Variants in CTNNA1 observed in about 807,000 individuals in gnomAD.
The protein encoded by CTNNA1 is catenin alpha-1.
CTNNA1 carries 37 observed loss-of-function variants against 98.4 expected under a neutral mutation model. The ratio of observed to expected loss-of-function variants is 0.38; its 90% CI spans 0.29 to 0.49. The LOEUF (loss-of-function observed/expected upper bound fraction) is 0.49. CTNNA1 is among the 20% of genes least tolerant of loss of function. CTNNA1 has a pLI of 0.95. For missense variants in CTNNA1, 761 were observed against 1,147.2 expected (o/e 0.66, Z 4.86); for synonymous variants, 404 against 413.2 (o/e 0.98, Z 0.27).
Position 138,873,123 on chromosome 5 carries a change from C to G in CTNNA1, c.1063-13089C>G, listed in dbSNP as rs369180323. The G allele has an allele frequency of 3.7e-6, 6 of 1,613,836 alleles. No individual in the cohort carries two copies. Among genetic ancestry groups the G allele is most frequent in the Non-Finnish European group, 5.1e-6 (6 of 1,179,888 alleles). On this transcript the variant is annotated intron_variant, in intron 7 of 17. Coordinates refer to ENST00000302763, the MANE Select transcript of CTNNA1 (RefSeq NM_001903.5). This position sits in a 1 kb window ranked among gnomAD's most constrained non-coding sequence, Gnocchi z 6.1. ...TCATATTCATTATACGGTCCTTGGT[C>G]TGACATGTTTGACATATGGAGTCGT...
At chr5:138,856,132 G>A (rs557522118) in intron 7 of CTNNA1, among the ~76,000 whole-genome samples, 1 of 152,232 alleles carries the variant, frequency 6.6e-6, no homozygotes, top group Non-Finnish European at 1.5e-5. Context: ...ATGGCTTGGG[G>A]CTTTTATTAA....
At chr5:138,759,400 TC>T (rs1303588502) in intron 1 of CTNNA1, among the ~76,000 whole-genome samples, 1 of 152,240 alleles carries the variant, frequency 6.6e-6, no homozygotes, top group Non-Finnish European at 1.5e-5. Flanking sequence ...GTAACTTTTT[TC>T]CTTATCTCCC....
intron 7 of CTNNA1, among the ~76,000 whole-genome samples, chr5:138,877,424 A>C (rs1751857461): frequency 1.3e-5 from 2 of 150,532 alleles, no homozygotes; most frequent in African/African-American, 4.9e-5. Context: ...GTCTCATAGG[A>C]GTGGTCTCTT....
At chr5:138,885,783 G>C (rs979761809) in intron 7 of CTNNA1, among the ~76,000 whole-genome samples, 3 of 152,006 alleles carry the variant, frequency 2.0e-5, no homozygotes, top group African/African-American at 7.2e-5. Context: ...TCAGTGCCAG[G>C]TCCCATTTTT....
chr5:138,927,442 C>T (rs561717547), intron 13 of CTNNA1, among the ~76,000 whole-genome samples: 1 of 152,238 alleles, frequency 6.6e-6, no homozygotes, highest in African/African-American at 2.4e-5. Context: ...GGGCCAATGC[C>T]CCTTCCCCAC....
intron 3 of CTNNA1, among the ~76,000 whole-genome samples, chr5:138,805,528 T>C (rs1758000244): frequency 2.0e-5 from 3 of 152,212 alleles, no homozygotes; most frequent in Non-Finnish European, 4.4e-5. Flanking sequence ...CATCTTTTCA[T>C]GTGCTTGTTG....
intron 3 of CTNNA1, among the ~76,000 whole-genome samples, chr5:138,808,670 A>G (rs1052624532): frequency 7.1e-5 from 10 of 140,728 alleles, no homozygotes; most frequent in Admixed American, 6.2e-4. Flanking sequence ...CTGTTGAGAA[A>G]TAGCTAGTCT....
intron 10 of CTNNA1, among the ~76,000 whole-genome samples, chr5:138,906,251 G>A (rs1759233393): frequency 6.6e-6 from 1 of 152,060 alleles, no homozygotes; most frequent in Admixed American, 6.5e-5. Context: ...CCCAGTGTTA[G>A]TCCAGTCCTG....
intron 9 of CTNNA1, among the ~76,000 whole-genome samples, chr5:138,902,539 C>T (rs1581600601): frequency 6.6e-6 from 1 of 152,358 alleles, no homozygotes; most frequent in Middle Eastern, 3.4e-3. Context: ...CCTGCCTCAG[C>T]CTCCCGAGTA....
At chr5:138,828,495 C>A (rs1245222640) in intron 7 of CTNNA1, among the ~76,000 whole-genome samples, 1 of 152,130 alleles carries the variant, frequency 6.6e-6, no homozygotes, top group East Asian at 1.9e-4. Context: ...CTTAGGGTTC[C>A]TGTCATTTAG....
intron 7 of CTNNA1, among the ~76,000 whole-genome samples, chr5:138,844,625 C>T (rs1015843725): frequency 6.6e-6 from 1 of 152,144 alleles, no homozygotes; most frequent in Admixed American, 6.5e-5. Context: ...CTACCATTGT[C>T]TGTCTCTTTC....
intron 9 of CTNNA1, among the ~76,000 whole-genome samples, chr5:138,902,580 C>T (rs1006365449): frequency 2.6e-5 from 4 of 152,170 alleles, no homozygotes; most frequent in African/African-American, 9.7e-5. Context: ...CCACCACGCC[C>T]GGCTAATTTT....
chr5:138,839,125 A>T (rs570438172), intron 7 of CTNNA1, among the ~76,000 whole-genome samples: 1 of 151,880 alleles, frequency 6.6e-6, no homozygotes, highest in South Asian at 2.1e-4. Context: ...CATGATTTCA[A>T]TTTTTTTTAA....
rs1751082096 is a variant in CTNNA1, at chr5:138,874,572, T to C, written c.1063-11640T>C. The C allele has an allele frequency of 2.1e-6, 3 of 1,454,018 alleles. No homozygotes were observed. In the East Asian group the frequency reaches 7.3e-5, roughly 36 times the overall value. The allele number at this position is 1,454,018 out of a possible 1,614,324, so 90.1% of individuals were successfully genotyped here. A position where few individuals can be genotyped will look rare whatever the true frequency, so the allele number is the denominator to read the frequency against. ...AAATGTAAGCCTGCAGAATATAATT[T>C]AAGGAAAACAAGAAGATAGGATATT... On this transcript the variant is annotated intron_variant, in intron 7 of 17. Coordinates refer to ENST00000302763, the MANE Select transcript of CTNNA1 (RefSeq NM_001903.5). The surrounding 1 kb of genome is among the most constrained non-coding windows in gnomAD (Gnocchi z 4.1).
chr5:138,860,308 G>C (rs1319348537), intron 7 of CTNNA1, among the ~76,000 whole-genome samples: 3 of 152,106 alleles, frequency 2.0e-5, no homozygotes, highest in African/African-American at 7.2e-5. Context: ...TAATCTATCT[G>C]ATTCAACACA....
intron 7 of CTNNA1, among the ~76,000 whole-genome samples, chr5:138,865,935 C>A (rs773457210): frequency 7.9e-5 from 12 of 152,050 alleles, no homozygotes; most frequent in African/African-American, 2.7e-4. Context: ...TATTTGACAG[C>A]GAGGCAATGG....
At chr5:138,859,227 T>G (rs1764040065) in intron 7 of CTNNA1, among the ~76,000 whole-genome samples, 1 of 152,244 alleles carries the variant, frequency 6.6e-6, no homozygotes, top group African/African-American at 2.4e-5. Flanking sequence ...ACATGACTTG[T>G]TCAAGTGGCT....
chr5:138,924,218 A>C (rs988665427), intron 11 of CTNNA1, among the ~76,000 whole-genome samples: 6 of 152,044 alleles, frequency 3.9e-5, no homozygotes, highest in African/African-American at 1.4e-4. Flanking sequence ...AGAAAATTAC[A>C]GAACAGCTGT....
At chr5:138,869,889 A>G (rs1765177731) in intron 7 of CTNNA1, 1 of 152,590 alleles carries the variant, frequency 6.6e-6, no homozygotes, top group African/African-American at 2.4e-5. Flanking sequence ...GTATTCTCAG[A>G]GTTGTGTGTG....
Sources: allele counts gnomAD v4.1 joint callset (sites outside exome capture counted in the v4.1 genomes callset), GRCh38; gene constraint gnomAD v4.1.1; non-coding constraint Gnocchi (gnomAD v3.1); transcripts MANE v1.5; gene names NCBI Gene and HGNC (gene_info 2026-07-23, HGNC 2026-07-21).